Variants in ROCK2 observed in about 807,000 individuals in gnomAD.
ROCK2 encodes the protein rho-associated protein kinase 2.
In ROCK2, 61 loss-of-function variants were observed where a neutral mutation model predicts 195.1. The observed-to-expected ratio is 0.31, with a 90% CI of 0.25 to 0.39. The LOEUF (loss-of-function observed/expected upper bound fraction) is 0.39, where lower values mean the gene tolerates loss of function less well. Ranked by LOEUF, ROCK2 falls within the 10% of genes least tolerant of loss-of-function variation. The probability of loss-of-function intolerance (pLI) is 1.00; values close to 1 mark genes in which losing one functional copy is unlikely to be tolerated. For missense variants in ROCK2, 1,109 were observed against 1,637.4 expected (o/e 0.68, Z 5.57); for synonymous variants, 504 against 545.5 (o/e 0.92, Z 1.06).
intron 8 of ROCK2, 96 bp from the exon 9 acceptor site, chr2:11,221,453 T>C (rs1295953414): frequency 8.0e-6 from 7 of 877,514 alleles, no homozygotes; most frequent in Non-Finnish European, 1.1e-5. Context: ...TTAATAACAC[T>C]ATATAAATTT....
intron 3 of ROCK2, among the ~76,000 whole-genome samples, chr2:11,263,255 G>C (rs912627176): frequency 6.6e-6 from 1 of 152,146 alleles, no homozygotes; most frequent in Admixed American, 6.5e-5. Flanking sequence ...GAAGCAATAA[G>C]CCCAGTGATC....
At chr2:11,200,672 T>C (rs548905734) in intron 23 of ROCK2, among the ~76,000 whole-genome samples, 1 of 152,290 alleles carries the variant, frequency 6.6e-6, no homozygotes, top group South Asian at 2.1e-4. Context: ...ACGGAACTGT[T>C]TTCCTGGTAG....
At chr2:11,335,126 C>T (rs1256743248) in intron 1 of ROCK2, among the ~76,000 whole-genome samples, 2 of 151,130 alleles carry the variant, frequency 1.3e-5, no homozygotes, top group Admixed American at 1.3e-4. Flanking sequence ...CACACACACA[C>T]ACACACACAC....
At chr2:11,281,258 T>C (rs1666993508) in intron 3 of ROCK2, among the ~76,000 whole-genome samples, 1 of 146,332 alleles carries the variant, frequency 6.8e-6, no homozygotes, top group Non-Finnish European at 1.5e-5. Flanking sequence ...ATAGAGGAAC[T>C]TCAACTTGAA....
intron 1 of ROCK2, among the ~76,000 whole-genome samples, chr2:11,335,712 T>G (rs1668907745): frequency 6.6e-6 from 1 of 152,170 alleles, no homozygotes; most frequent in East Asian, 1.9e-4. Flanking sequence ...TTTTGGGAAA[T>G]TTAATACCTA....
At chr2:11,325,260 G>A (rs991285875) in intron 1 of ROCK2, among the ~76,000 whole-genome samples, 3 of 152,142 alleles carry the variant, frequency 2.0e-5, no homozygotes, top group Non-Finnish European at 4.4e-5. Context: ...GTTCTGGCAG[G>A]GCCAACTGTG....
At chr2:11,259,837 G>C (rs1666162726) in intron 3 of ROCK2, among the ~76,000 whole-genome samples, 1 of 151,328 alleles carries the variant, frequency 6.6e-6, no homozygotes, top group Admixed American at 6.6e-5. Context: ...AAAGAGCCAA[G>C]TAAGTAATGA....
chr2:11,272,948 A>G (rs80107573), intron 3 of ROCK2, among the ~76,000 whole-genome samples: 4 of 151,864 alleles, frequency 2.6e-5, no homozygotes, highest in Non-Finnish European at 5.9e-5. Context: ...CTGAATTTTT[A>G]TAAGTTTAGG....
At chr2:11,233,320 A>G (rs1665088441) in intron 5 of ROCK2, among the ~76,000 whole-genome samples, 1 of 152,214 alleles carries the variant, frequency 6.6e-6, no homozygotes, top group African/African-American at 2.4e-5. Flanking sequence ...ATACTACTGT[A>G]TATCAACGGA....
At chr2:11,232,224 G>A (rs1408669952) in intron 5 of ROCK2, among the ~76,000 whole-genome samples, 1 of 152,006 alleles carries the variant, frequency 6.6e-6, no homozygotes, top group Non-Finnish European at 1.5e-5. Context: ...CACCCCCTGG[G>A]TTCAAGCAAT....
intron 5 of ROCK2, chr2:11,234,438 A>G (rs1330510769): frequency 6.6e-6 from 1 of 152,134 alleles, no homozygotes; most frequent in Non-Finnish European, 1.5e-5. Context: ...TTAGCATTCT[A>G]TTAGGAAATT....
At chr2:11,205,756 A>T (rs1664027456) in intron 20 of ROCK2, among the ~76,000 whole-genome samples, 1 of 152,134 alleles carries the variant, frequency 6.6e-6, no homozygotes, top group South Asian at 2.1e-4. Flanking sequence ...CTTACACCTA[A>T]GAGGGATGTA....
rs1664663509 is a variant in ROCK2 at position 11,222,308 on chromosome 2, G to T, written c.1008-134C>A. The T allele has an allele frequency of 7.2e-6, 4 of 552,102 alleles. No individual in the cohort carries two copies. The South Asian group carries it at 1.3e-4, about 18-fold the overall frequency. 34.2% of individuals were successfully genotyped at this position (552,102 alleles called of 1,614,324 possible). A position where few individuals can be genotyped will look rare whatever the true frequency, so the allele number is the denominator to read the frequency against. ...TTGTATTAAAAGCTTCAGCTTAAAT[G>T]TTTCTCAAAAATAAGCAATCCCAAG... On this transcript the variant is annotated intron_variant, in intron 7 of 32. Transcript: ENST00000315872.
At chr2:11,317,587 T>TAAAAAAAAAAAAA (rs1553317367) in intron 1 of ROCK2, among the ~76,000 whole-genome samples, 1 of 12,446 alleles carries the variant, frequency 8.0e-5, no homozygotes. Flanking sequence ...TATATATATA[T>TAAAAAAAAAAAAA]ATATATATAT....
At chr2:11,198,085 A>C (rs1663705664) in intron 25 of ROCK2, among the ~76,000 whole-genome samples, 1 of 152,226 alleles carries the variant, frequency 6.6e-6, no homozygotes, top group South Asian at 2.1e-4. Context: ...AAAATATTCT[A>C]TGTGCAACAA....
Position 11,192,193 on chromosome 2 carries a change from T to C in ROCK2, c.4118A>G (p.Gln1373Arg). 6.2e-7 allele frequency: 1 copy of C among 1,613,500 alleles called. No individual in the cohort carries two copies. Among genetic ancestry groups the C allele is most frequent in the Non-Finnish European group, 8.5e-7 (1 of 1,179,684 alleles). ...PRTSMKIQQN[Q>R]SIRRPSRQLA... The stretch of plus-strand genomic sequence containing the variant: ...CTGTCGACTTGGCCGTCTAATAGAC[T>C]GGTTTTGCTGTATCTTCATTGAAGT... The change falls in exon 32 of 33, where the codon CAG (glutamine) becomes CGG (arginine). Residue 1373 changes from glutamine (Q) to arginine (R), a missense_variant. Gln to Arg is a conservative substitution (Grantham distance 43, BLOSUM62 1). Around this residue, in one of 6 missense-constraint regions of ROCK2, gnomAD observed 221 missense variants for 355.1 expected, o/e 0.62. Coordinates refer to ENST00000315872, the MANE Select transcript of ROCK2 (RefSeq NM_004850.5). The surrounding 1 kb of genome is among the most constrained non-coding windows in gnomAD (Gnocchi z 5.0).
chr2:11,191,529 G>A (rs557132631), intron 32 of ROCK2, among the ~76,000 whole-genome samples: 1 of 152,234 alleles, frequency 6.6e-6, no homozygotes, highest in South Asian at 2.1e-4. Flanking sequence ...TTTTAAACCT[G>A]CCTCCCAAGT....
At position 11,344,587 on chromosome 2, in the gene ROCK2, A is replaced by G; in HGVS notation, c.-451T>C. On this transcript the variant is annotated 5_prime_UTR_variant, in exon 1 of 33. Transcript: ENST00000315872. This position sits in a 1 kb window ranked among gnomAD's most constrained non-coding sequence, Gnocchi z 5.4. ...CCATGGTCGCCGCCGGCCGCCTTGC[A>G]GTCCCTCAGCCAGCTCCCGGCGCAC... The G allele has an allele frequency of 1.5e-6, 1 of 661,238 alleles. No homozygotes were observed. The highest frequency in any genetic ancestry group is 1.8e-6 in the Non-Finnish European group (1 of 540,738). 41.0% of individuals were successfully genotyped at this position (661,238 alleles called of 1,614,324 possible).
chr2:11,231,685 T>A (rs1665017163), intron 5 of ROCK2, among the ~76,000 whole-genome samples: 1 of 150,894 alleles, frequency 6.6e-6, no homozygotes, highest in East Asian at 1.9e-4. Flanking sequence ...TTAGATAAGT[T>A]TTTTTTTTCC....
Sources: allele counts gnomAD v4.1 joint callset (sites outside exome capture counted in the v4.1 genomes callset), GRCh38; gene constraint gnomAD v4.1.1; regional missense constraint gnomAD v4.1.1; non-coding constraint Gnocchi (gnomAD v3.1); transcripts MANE v1.5; gene names NCBI Gene and HGNC (gene_info 2026-07-23, HGNC 2026-07-21).